The following ALPL variants were observed in gnomAD, a reference collection of about 807,000 sequenced individuals.
ALPL encodes alkaline phosphatase, biomineralization associated.
ALPL carries 42 observed loss-of-function variants against 51.3 expected under a neutral mutation model. The ratio of observed to expected loss-of-function variants is 0.82; its 90% CI spans 0.64 to 1.06. The LOEUF is 1.06. ALPL is among the 50% of genes least tolerant of loss of function. The probability of loss-of-function intolerance (pLI) is 0.00; values close to 1 mark genes in which losing one functional copy is unlikely to be tolerated. For missense variants in ALPL, 589 were observed against 709.4 expected (o/e 0.83, Z 1.93); for synonymous variants, 279 against 296.4 (o/e 0.94, Z 0.60).
chr1:21,524,932 T>A (rs981858111), intron 1 of ALPL, among the ~76,000 whole-genome samples: 1 of 152,242 alleles, frequency 6.6e-6, no homozygotes, highest in Non-Finnish European at 1.5e-5. Flanking sequence ...GCAATTAGCC[T>A]GGCTGAGGCC....
intron 1 of ALPL, among the ~76,000 whole-genome samples, chr1:21,514,738 T>A (rs962148219): frequency 6.6e-5 from 10 of 152,176 alleles, no homozygotes; most frequent in African/African-American, 1.9e-4. Context: ...CCCTGGTCCT[T>A]ACACCTGCAG....
intron 1 of ALPL, among the ~76,000 whole-genome samples, chr1:21,531,540 C>T (rs1227173726): frequency 6.6e-6 from 1 of 152,168 alleles, no homozygotes; most frequent in Non-Finnish European, 1.5e-5. Flanking sequence ...CTCACATGTC[C>T]TGGGATAGAG....
At position 21,564,094 on chromosome 1, in the gene ALPL, G is replaced by A. The variant is rs121918019; in HGVS notation, c.526G>A (p.Ala176Thr). 347 of 1,614,012 alleles carry A rather than the reference G, an allele frequency of 2.1e-4. No individual in the cohort carries two copies. Among genetic ancestry groups the A allele is most frequent in the Non-Finnish European group, 2.7e-4 (324 of 1,180,004 alleles). ...GAGAGTGAACCATGCCACCCCCAGCGCCGCCTACGCCCACTCGGCTGACCG... is the reference window on the plus strand; with the variant it reads ...GAGAGTGAACCATGCCACCCCCAGCACCGCCTACGCCCACTCGGCTGACCG... The part of the protein sequence containing the change: ...TTRVNHATPS[A>T]AYAHSADRDW... The change falls in exon 6 of 12, where the codon GCC becomes ACC. Residue 176 changes from alanine (A) to threonine (T), a missense_variant. Physicochemically the swap from Ala to Thr is moderately conservative, Grantham distance 58. Coordinates refer to ENST00000374840, the MANE Select transcript of ALPL (RefSeq NM_000478.6). The surrounding 1 kb of genome is among the most constrained non-coding windows in gnomAD (Gnocchi z 5.8).
upstream of ALPL, among the ~76,000 whole-genome samples, chr1:21,509,013 GCAGA>G (rs1214296808): frequency 5.3e-5 from 8 of 152,222 alleles, no homozygotes; most frequent in East Asian, 1.5e-3. This position sits in a 1 kb window ranked among gnomAD's most constrained non-coding sequence, Gnocchi z 6.0. Flanking sequence ...AGAGAGGAAG[GCAGA>G]CAAAGAGACG....
chr1:21,575,203 C>T (rs1644710281), intron 9 of ALPL, among the ~76,000 whole-genome samples: 2 of 152,194 alleles, frequency 1.3e-5, no homozygotes, highest in Non-Finnish European at 2.9e-5. Context: ...GGGGTTAGGA[C>T]GAGTCACACC....
At chr1:21,509,384 C>G (rs1482662723), upstream of ALPL, 1 of 150,330 alleles carries the variant, frequency 6.7e-6, no homozygotes, top group East Asian at 2.0e-4. This position sits in a 1 kb window ranked among gnomAD's most constrained non-coding sequence, Gnocchi z 6.0. Context: ...ACTCGGGCCC[C>G]GCGGCCGCCT....
At chr1:21,535,105 C>T (rs1465303393) in intron 1 of ALPL, among the ~76,000 whole-genome samples, 4 of 152,276 alleles carry the variant, frequency 2.6e-5, no homozygotes, top group East Asian at 3.9e-4. Flanking sequence ...AGTGTTCCAG[C>T]GAATGTTGGT....
intron 1 of ALPL, among the ~76,000 whole-genome samples, chr1:21,538,941 T>A (rs1365945482): frequency 6.6e-6 from 1 of 152,170 alleles, no homozygotes; most frequent in African/African-American, 2.4e-5. Context: ...GTTATGATTA[T>A]AGGAAGCCCT....
chr1:21,528,540 TGA>T (rs1643983986), intron 1 of ALPL, among the ~76,000 whole-genome samples: 1 of 151,142 alleles, frequency 6.6e-6, no homozygotes, highest in Non-Finnish European at 1.5e-5. Flanking sequence ...TTAGTAGAGA[TGA>T]GATTTCACCA....
intron 2 of ALPL, among the ~76,000 whole-genome samples, chr1:21,556,175 T>TA (rs1558544960): frequency 6.6e-6 from 1 of 152,230 alleles, no homozygotes; most frequent in African/African-American, 2.4e-5. Flanking sequence ...GGCCAGTTTT[T>TA]ATGTTGATTT....
rs750252193 is a variant in ALPL at position 21,577,968 on chromosome 1, A to G, written c.*320A>G. On this transcript the variant is annotated 3_prime_UTR_variant, in exon 12 of 12. Transcript: ENST00000374840. Reference sequence around the variant, plus strand: ...ATTTTTCTAGCGAACGTATTTCTCCAGACCCAGAGGCCCTGAAGCCTCCGT... The same window carrying G: ...ATTTTTCTAGCGAACGTATTTCTCCGGACCCAGAGGCCCTGAAGCCTCCGT... 4 of 474,998 alleles carry G rather than the reference A, an allele frequency of 8.4e-6. No homozygotes were observed. Among genetic ancestry groups the G allele is most frequent in the African/African-American group, 1.9e-5 (1 of 51,554 alleles). 29.4% of individuals were successfully genotyped at this position (474,998 alleles called of 1,614,324 possible).
chr1:21,573,696 G>T lies in ALPL; in HGVS notation c.894G>T (p.Glu298Asp). 6.2e-7 allele frequency: 1 copy of T among 1,614,034 alleles called. No homozygotes were observed. The highest frequency in any genetic ancestry group is 1.1e-5 in the South Asian group (1 of 91,054). ...GLFEPGDMQY[E>D]LNRNNVTDPS... ...TCGAGCCAGGGGACATGCAGTACGAGCTGAACAGGAACAACGTGACGGACC... is the reference window on the plus strand; with the variant it reads ...TCGAGCCAGGGGACATGCAGTACGATCTGAACAGGAACAACGTGACGGACC... Residue 298 changes from glutamate (E) to aspartate (D), a missense_variant, in exon 9 of 12, where the codon GAG becomes GAT. Physicochemically the swap from Glu to Asp is conservative, Grantham distance 45. Coordinates refer to ENST00000374840, the MANE Select transcript of ALPL (RefSeq NM_000478.6).
At chr1:21,524,564 C>T (rs932782021) in intron 1 of ALPL, among the ~76,000 whole-genome samples, 1 of 152,132 alleles carries the variant, frequency 6.6e-6, no homozygotes, top group Non-Finnish European at 1.5e-5. Flanking sequence ...CACCCAAGGT[C>T]CTATAGCTCA....
intron 1 of ALPL, among the ~76,000 whole-genome samples, chr1:21,538,340 C>T (rs1400651920): frequency 2.0e-5 from 3 of 152,204 alleles, no homozygotes; most frequent in Non-Finnish European, 2.9e-5. Flanking sequence ...CCGCGGAGAT[C>T]AAACGCAAAA....
chr1:21,528,734 A>G (rs1297157851), intron 1 of ALPL, among the ~76,000 whole-genome samples: 1 of 151,432 alleles, frequency 6.6e-6, no homozygotes, highest in South Asian at 2.1e-4. Flanking sequence ...TTTTTCTTTT[A>G]TGGAATTAGT....
chr1:21,554,275 A>G lies in ALPL; in HGVS notation c.61+133A>G, dbSNP rs548547646. On this transcript the variant is annotated intron_variant, in intron 2 of 11. Transcript: ENST00000374840. ...CTGAAAACAGTGTTCAGAGCAGGAAACCTCAGCCCTGCTACTTGCATGTGT... is the reference window on the plus strand; with the variant it reads ...CTGAAAACAGTGTTCAGAGCAGGAAGCCTCAGCCCTGCTACTTGCATGTGT... 2.0e-5 allele frequency: 17 copies of G among 867,136 alleles called. No individual in the cohort carries two copies. The South Asian group carries it at 2.4e-4, about 12-fold the overall frequency. 53.7% of individuals were successfully genotyped at this position (867,136 alleles called of 1,614,324 possible).
chr1:21,520,818 G>A (rs966944938), intron 1 of ALPL, among the ~76,000 whole-genome samples: 3 of 152,132 alleles, frequency 2.0e-5, no homozygotes, highest in African/African-American at 7.2e-5. Flanking sequence ...ACATCATTTT[G>A]CAAAGTGGGA....
chr1:21,552,290 C>T (rs1644341607), intron 1 of ALPL, among the ~76,000 whole-genome samples: 2 of 150,836 alleles, frequency 1.3e-5, no homozygotes, highest in Non-Finnish European at 3.0e-5. Context: ...TCGAGACCAG[C>T]CTGACCAACA....
chr1:21,545,190 A>T (rs1644237545), intron 1 of ALPL, among the ~76,000 whole-genome samples: 1 of 152,252 alleles, frequency 6.6e-6, no homozygotes, highest in African/African-American at 2.4e-5. Context: ...TCAGCCTAGC[A>T]GTTTCTCTAC....
Sources: allele counts gnomAD v4.1 joint callset (sites outside exome capture counted in the v4.1 genomes callset), GRCh38; gene constraint gnomAD v4.1.1; non-coding constraint Gnocchi (gnomAD v3.1); transcripts MANE v1.5; gene names NCBI Gene and HGNC (gene_info 2026-07-23, HGNC 2026-07-21).